Variants in ANKS1B observed in about 807,000 individuals in gnomAD.
ANKS1B encodes the protein ankyrin repeat and sterile alpha motif domain containing 1B, also known as ankyrin repeat and sterile alpha motif domain-containing protein 1B.
Under a neutral mutation model 148.3 loss-of-function variants are expected in ANKS1B, and 36 were observed. The observed-to-expected ratio is 0.24, with a 90% confidence interval of 0.19 to 0.32. The LOEUF is 0.32. Ranked by LOEUF, ANKS1B falls within the 10% of genes least tolerant of loss-of-function variation. The probability of loss-of-function intolerance (pLI) is 1.00; values close to 1 mark genes in which losing one functional copy is unlikely to be tolerated. For synonymous variants in ANKS1B, 542 were observed against 560.8 expected (o/e 0.97, Z 0.47); for missense variants, 1,157 against 1,542.6 (o/e 0.75, Z 4.19).
chr12:99,636,643 T>C (rs1396907403), intron 9 of ANKS1B, among the ~76,000 whole-genome samples: 1 of 152,214 alleles, frequency 6.6e-6, no homozygotes, highest in African/African-American at 2.4e-5. Context: ...AGGACACTTG[T>C]TTCTTGTTTA....
intron 9 of ANKS1B, among the ~76,000 whole-genome samples, chr12:99,600,420 C>A (rs747554133): frequency 3.3e-5 from 5 of 151,858 alleles, no homozygotes; most frequent in Non-Finnish European, 7.4e-5. Context: ...TATGCCGCTG[C>A]GAAGGGAAGA....
chr12:99,176,730 T>C lies in ANKS1B; in HGVS notation c.2420-22335A>G, dbSNP rs563832568. On this transcript the variant is annotated intron_variant, in intron 14 of 26. Transcript: ENST00000683438. ...CACATGAGATCTGGTCATTAAAAAG[T>C]GTCTGGCACCTCCTCCTAATTATCT... Among the ~76,000 whole-genome samples the C allele has an allele frequency of 2.6e-5, 4 of 152,186 alleles. No homozygotes were observed. In the East Asian group the frequency reaches 7.7e-4, roughly 29 times the overall value.
At chr12:99,199,256 C>T (rs193268537) in intron 14 of ANKS1B, among the ~76,000 whole-genome samples, 13 of 152,192 alleles carry the variant, frequency 8.5e-5, no homozygotes, top group African/African-American at 2.9e-4. Context: ...TTAAGTCATG[C>T]AGTTTTAGAT....
chr12:99,066,307 C>A (rs1389699419), intron 16 of ANKS1B, among the ~76,000 whole-genome samples: 1 of 151,834 alleles, frequency 6.6e-6, no homozygotes, highest in Admixed American at 6.6e-5. Flanking sequence ...GGTGACAAAG[C>A]AAAACTCTGT....
chr12:99,218,897 T>C (rs2084655232), intron 14 of ANKS1B, among the ~76,000 whole-genome samples: 1 of 152,200 alleles, frequency 6.6e-6, no homozygotes, highest in Non-Finnish European at 1.5e-5. Context: ...ATGTGAAAGA[T>C]TCTATGAGTA....
intron 17 of ANKS1B, among the ~76,000 whole-genome samples, chr12:98,906,995 CAT>C (rs1200153633): frequency 2.2e-5 from 3 of 139,462 alleles, no homozygotes; most frequent in Admixed American, 7.7e-5. Flanking sequence ...CATCCCCTCA[CAT>C]AGTTACTCTG....
intron 9 of ANKS1B, among the ~76,000 whole-genome samples, chr12:99,547,603 G>A (rs2097182871): frequency 6.6e-6 from 1 of 152,104 alleles, no homozygotes; most frequent in Non-Finnish European, 1.5e-5. Context: ...GGGATAATGG[G>A]TGATCCTGAA....
At chr12:98,837,100 G>C (rs1408419122) in intron 17 of ANKS1B, among the ~76,000 whole-genome samples, 1 of 152,028 alleles carries the variant, frequency 6.6e-6, no homozygotes, top group Non-Finnish European at 1.5e-5. Flanking sequence ...GGGAGGCTGA[G>C]ATGGGTGGAT....
At chr12:99,732,030 T>C (rs1366044820) in intron 8 of ANKS1B, among the ~76,000 whole-genome samples, 1 of 152,132 alleles carries the variant, frequency 6.6e-6, no homozygotes, top group East Asian at 1.9e-4. Context: ...AAAGAAGATA[T>C]GAAAAATGGC....
intron 14 of ANKS1B, among the ~76,000 whole-genome samples, chr12:99,238,800 C>A (rs1948394): frequency 0.2 from 30,409 of 152,080 alleles, 3,284 homozygotes; most frequent in Middle Eastern, 0.3. Flanking sequence ...CCAGCAAACT[C>A]CAGCAGACCT....
intron 1 of ANKS1B, among the ~76,000 whole-genome samples, chr12:99,971,636 G>A (rs1245583844): frequency 6.6e-6 from 1 of 150,728 alleles, no homozygotes; most frequent in Non-Finnish European, 1.5e-5. Flanking sequence ...AAAAATCAAT[G>A]TGGAAGAATA....
intron 17 of ANKS1B, among the ~76,000 whole-genome samples, chr12:98,979,481 C>T (rs2153226992): frequency 6.6e-6 from 1 of 151,984 alleles, no homozygotes. Context: ...CCATGTTAGC[C>T]AGGATGGTCT....
chr12:99,522,697 T>C (rs1442456528), intron 9 of ANKS1B, among the ~76,000 whole-genome samples: 1 of 151,914 alleles, frequency 6.6e-6, no homozygotes, highest in Non-Finnish European at 1.5e-5. Context: ...ATATTAGGAG[T>C]TACAGCTGAC....
chr12:99,278,059 A>G (rs1187308944), intron 12 of ANKS1B, among the ~76,000 whole-genome samples: 2 of 152,240 alleles, frequency 1.3e-5, no homozygotes, highest in Non-Finnish European at 1.5e-5. Flanking sequence ...TTAGAAATCA[A>G]GCTGTCTGCC....
intron 8 of ANKS1B, among the ~76,000 whole-genome samples, chr12:99,747,164 A>AG (rs1291158305): frequency 6.6e-6 from 1 of 151,962 alleles, no homozygotes; most frequent in East Asian, 1.9e-4. Context: ...CTTGCCCTAA[A>AG]AGCTTTCCCA....
At chr12:99,110,293 T>C (rs1353098447) in intron 15 of ANKS1B, among the ~76,000 whole-genome samples, 1 of 152,200 alleles carries the variant, frequency 6.6e-6, no homozygotes, top group African/African-American at 2.4e-5. Context: ...CAGCCCACGG[T>C]AAAATAAATT....
At chr12:99,006,229 C>A (rs918340520) in intron 17 of ANKS1B, among the ~76,000 whole-genome samples, 1 of 152,152 alleles carries the variant, frequency 6.6e-6, no homozygotes, top group Non-Finnish European at 1.5e-5. Context: ...TAAGGCTATG[C>A]CGAGTGAAGA....
At chr12:99,647,213 G>GA (rs962210541) in intron 9 of ANKS1B, among the ~76,000 whole-genome samples, 19 of 150,158 alleles carry the variant, frequency 1.3e-4, no homozygotes, top group East Asian at 3.9e-4. Context: ...TATTCTTTAA[G>GA]AAAAAAAAAG....
At chr12:99,819,925 G>A (rs1013825973) in intron 2 of ANKS1B, among the ~76,000 whole-genome samples, 2 of 151,730 alleles carry the variant, frequency 1.3e-5, no homozygotes, top group Non-Finnish European at 3.0e-5. Flanking sequence ...GGGAAGGAAG[G>A]TAGAGAGGAA....
Sources: gnomAD v4.1 joint callset for allele counts (sites outside exome capture counted in the v4.1 genomes callset) on GRCh38, gnomAD v4.1.1 for gene constraint, MANE v1.5 for transcripts, NCBI Gene and HGNC (gene_info 2026-07-23, HGNC 2026-07-21) for gene names.